The following DOCK8 variants were observed in gnomAD, a reference collection of about 807,000 sequenced individuals.
The protein encoded by DOCK8 is dedicator of cytokinesis 8, also known as dedicator of cytokinesis protein 8.
Under a neutral mutation model 245.6 loss-of-function variants are expected in DOCK8, and 141 were observed. The observed-to-expected ratio is 0.57, with a 90% CI of 0.50 to 0.66. The LOEUF is 0.66. Among genes scored for constraint, DOCK8 ranks in the 30% least tolerant of loss-of-function variants. DOCK8 has a pLI of 0.00. For missense variants in DOCK8, 2,965 were observed against 2,603.4 expected, an observed-to-expected ratio of 1.14 and a Z score of -3.02; for synonymous variants, 1,168 against 970.2, an observed-to-expected ratio of 1.20 and a Z score of -3.79.
intron 14 of DOCK8, among the ~76,000 whole-genome samples, chr9:346,417 G>C (rs1244243436): frequency 1.3e-5 from 2 of 152,122 alleles, no homozygotes; most frequent in African/African-American, 2.4e-5. Flanking sequence ...CCGCCAGAGG[G>C]GTATGTGCGG....
upstream of DOCK8, chr9:214,077 A>T (rs935921475): frequency 1.3e-5 from 2 of 158,898 alleles, no homozygotes; most frequent in African/African-American, 4.8e-5. Flanking sequence ...TTATATGGAG[A>T]GTGCTCGAGT....
At chr9:257,364 C>G (rs1307422198) in intron 1 of DOCK8, among the ~76,000 whole-genome samples, 1 of 152,122 alleles carries the variant, frequency 6.6e-6, no homozygotes, top group African/African-American at 2.4e-5. Context: ...TGATTACAGT[C>G]CTATGTCACT....
chr9:370,778 T>C (rs2053252626), intron 16 of DOCK8, among the ~76,000 whole-genome samples: 1 of 152,172 alleles, frequency 6.6e-6, no homozygotes, highest in East Asian at 1.9e-4. Context: ...CTATTATTCA[T>C]GTTCCACAGG....
At chr9:323,755 A>G (rs1284702346) in intron 7 of DOCK8, among the ~76,000 whole-genome samples, 3 of 152,240 alleles carry the variant, frequency 2.0e-5, no homozygotes, top group Non-Finnish European at 4.4e-5. Context: ...AAGGGGAATC[A>G]TGAAGTAACT....
intron 7 of DOCK8, among the ~76,000 whole-genome samples, chr9:323,218 CTTTTTTTTT>C (rs1164158230): frequency 6.0e-5 from 4 of 67,218 alleles, no homozygotes; most frequent in Admixed American, 2.1e-4. Context: ...AATCTACCAT[CTTTTTTTTT>C]TTTTTTTTTT....
At chr9:349,223 T>C (rs1176771821) in intron 14 of DOCK8, among the ~76,000 whole-genome samples, 1 of 152,226 alleles carries the variant, frequency 6.6e-6, no homozygotes, top group Non-Finnish European at 1.5e-5. Flanking sequence ...AAACCATGGC[T>C]AATTCATCAG....
rs1255322015 is a variant in DOCK8, at chr9:339,077, G to A, written c.1494G>A (p.Gln498=). ...LADYKRSSSL[Q]RRVKSIPGLL... is the part of the protein sequence containing the mutation. Reference sequence around the variant, plus strand: ...ACTACAAAAGATCATCATCCTTACAGAGACGAGTCAAGTCAATTCCAGGTG... The same window carrying A: ...ACTACAAAAGATCATCATCCTTACAAAGACGAGTCAAGTCAATTCCAGGTG... Residue 498 remains glutamine (Q), a synonymous_variant, in exon 13 of 48, where the codon CAG becomes CAA. Coordinates refer to ENST00000432829, the MANE Select transcript of DOCK8 (RefSeq NM_203447.4). 1 of 1,613,962 alleles carries A rather than the reference G, an allele frequency of 6.2e-7. No homozygotes were observed. Among genetic ancestry groups the A allele is most frequent in the African/African-American group, 1.3e-5 (1 of 74,940 alleles).
intron 26 of DOCK8, among the ~76,000 whole-genome samples, chr9:400,271 T>C (rs1284210432): frequency 9.1e-3 from 126 of 13,916 alleles, no homozygotes; most frequent in East Asian, 0.037. Flanking sequence ...ACCTCCACCA[T>C]CACCACCACT....
intron 2 of DOCK8, among the ~76,000 whole-genome samples, chr9:274,321 T>C (rs193196820): frequency 6.6e-6 from 1 of 152,338 alleles, no homozygotes; most frequent in Admixed American, 6.5e-5. Context: ...TGCATGTGAA[T>C]ATCCTTTAGA....
chr9:400,668 G>C (rs867088170), intron 26 of DOCK8, among the ~76,000 whole-genome samples: 9 of 6,134 alleles, frequency 1.5e-3, no homozygotes, highest in African/African-American at 6.1e-3. Context: ...ACCACCACCA[G>C]CATCTTCACC....
intron 24 of DOCK8, among the ~76,000 whole-genome samples, chr9:393,548 G>A (rs2054301826): frequency 6.6e-6 from 1 of 152,194 alleles, no homozygotes; most frequent in Admixed American, 6.5e-5. Context: ...TGCTTCAGCA[G>A]TACCACTTCA....
chr9:277,582 A>C (rs1217887582), intron 2 of DOCK8, among the ~76,000 whole-genome samples: 1 of 151,866 alleles, frequency 6.6e-6, no homozygotes, highest in East Asian at 1.9e-4. Flanking sequence ...CAAGAGAAGA[A>C]AGAGTTAGGA....
chr9:256,074 T>G (rs2047766058), intron 1 of DOCK8, among the ~76,000 whole-genome samples: 1 of 152,220 alleles, frequency 6.6e-6, no homozygotes, highest in Non-Finnish European at 1.5e-5. Flanking sequence ...CATGACCAAC[T>G]CTTTAGTAAG....
chr9:232,581 A>G (rs190100127), intron 1 of DOCK8, among the ~76,000 whole-genome samples: 1,892 of 152,112 alleles, frequency 0.012, 35 homozygotes, highest in African/African-American at 0.044. Context: ...AGATCCTGTT[A>G]TTTGTCTATT....
chr9:418,054 T>A lies in DOCK8; in HGVS notation c.3701-14T>A. ...ATGTTTGACTTGACATCACAAACGA[T>A]GTTTTCATTGCAGTTGCAGATACTC... On this transcript the variant is annotated splice_polypyrimidine_tract_variant and intron_variant, in intron 29 of 47. Transcript: ENST00000432829. 1 of 1,614,204 alleles carries A rather than the reference T, an allele frequency of 6.2e-7. No homozygotes were observed.
chr9:274,342 C>A (rs966482104), intron 2 of DOCK8, among the ~76,000 whole-genome samples: 1 of 152,140 alleles, frequency 6.6e-6, no homozygotes, highest in Admixed American at 6.6e-5. Context: ...ATATATTACT[C>A]CCAGTTATTC....
chr9:276,686 T>G (rs1004890619), intron 2 of DOCK8, among the ~76,000 whole-genome samples: 88 of 152,310 alleles, frequency 5.8e-4, no homozygotes, highest in African/African-American at 2.0e-3. Context: ...CATTCTCTAT[T>G]GCCACAGCTG....
intron 5 of DOCK8, among the ~76,000 whole-genome samples, chr9:305,436 C>T (rs1346496818): frequency 1.3e-5 from 2 of 151,734 alleles, no homozygotes; most frequent in East Asian, 1.9e-4. Flanking sequence ...GCTCCCGCCA[C>T]CACGCCCAGC....
chr9:229,826 A>C (rs10965206), intron 1 of DOCK8, among the ~76,000 whole-genome samples: 1 of 151,940 alleles, frequency 6.6e-6, no homozygotes, highest in African/African-American at 2.4e-5. Context: ...AGTAACAGCC[A>C]ACCAAACCAT....
Sources: gnomAD v4.1 joint callset for allele counts (sites outside exome capture counted in the v4.1 genomes callset) on GRCh38, gnomAD v4.1.1 for gene constraint, MANE v1.5 for transcripts, NCBI Gene and HGNC (gene_info 2026-07-23, HGNC 2026-07-21) for gene names.